Variants in AMDHD1 observed in about 807,000 individuals in gnomAD.
AMDHD1 encodes the protein amidohydrolase domain containing 1.
A neutral mutation model predicts 44.1 loss-of-function variants in AMDHD1; 45 were observed. That is an observed-to-expected ratio of 1.02 (90% CI 0.80 to 1.31). AMDHD1 has a LOEUF of 1.31. Among genes scored for constraint, AMDHD1 ranks in the 50% most tolerant of loss-of-function variants. The pLI, the probability that AMDHD1 is intolerant of heterozygous loss-of-function variation, is 0.00. For synonymous variants in AMDHD1, 206 were observed against 205.0 expected (o/e 1.00, Z -0.04); for missense variants, 586 against 552.1 (o/e 1.06, Z -0.61).
At chr12:95,943,843 A>G (rs7956040) in intron 1 of AMDHD1, among the ~76,000 whole-genome samples, 31,900 of 152,094 alleles carry the variant, frequency 0.21, 3,877 homozygotes, top group East Asian at 0.45. Context: ...GGGAGGCCAG[A>G]AGACCACCTT....
At position 95,967,315 on chromosome 12, in the gene AMDHD1, G is replaced by C. The variant is rs1001831197; in HGVS notation, c.1194-441G>C. ...TTATGGAAGCTACAATTCAAAATGAGATTTGGGTGGGCACATAGCAGCAAA... is the reference window on the plus strand; with the variant it reads ...TTATGGAAGCTACAATTCAAAATGACATTTGGGTGGGCACATAGCAGCAAA... On this transcript the variant is annotated intron_variant, in intron 8 of 8. Coordinates refer to ENST00000266736, the MANE Select transcript of AMDHD1 (RefSeq NM_152435.3). Among the ~76,000 whole-genome samples the C allele has an allele frequency of 3.3e-5, 5 of 152,324 alleles. No individual in the cohort carries two copies. In the South Asian group the frequency reaches 6.2e-4, roughly 19 times the overall value.
Position 95,967,946 on chromosome 12 carries a change from C to A in AMDHD1, c.*103C>A. On this transcript the variant is annotated 3_prime_UTR_variant, in exon 9 of 9. Transcript: ENST00000266736. ...ATTTACAAGAATTATATCACTTAAA[C>A]CTAAATGTACTTCAATGTCTTTTTA... is the stretch of plus-strand genomic sequence containing the variant. 4 of 785,720 alleles carry A rather than the reference C, an allele frequency of 5.1e-6. No individual in the cohort carries two copies. Among genetic ancestry groups the A allele is most frequent in the Non-Finnish European group, 4.0e-6 (2 of 504,074 alleles). 48.7% of individuals were successfully genotyped at this position (785,720 alleles called of 1,614,324 possible).
intron 4 of AMDHD1, 53 bp from the exon 5 acceptor site, chr12:95,960,345 T>G (rs1309614533): frequency 6.7e-5 from 101 of 1,518,420 alleles, no homozygotes; most frequent in Non-Finnish European, 8.8e-5. Flanking sequence ...TACCCTGTCT[T>G]TTTGTGTTTT....
At chr12:95,967,067 C>T (rs1968487) in intron 8 of AMDHD1, among the ~76,000 whole-genome samples, 72,315 of 152,070 alleles carry the variant, frequency 0.48, 18,254 homozygotes, top group African/African-American at 0.64. Context: ...AATCGACTCA[C>T]AGTTCTACAT....
Position 95,960,592 on chromosome 12 carries a change from G to A in AMDHD1, c.782G>A (p.Gly261Glu). 1 of 1,614,166 alleles carries A rather than the reference G, an allele frequency of 6.2e-7. No homozygotes were observed. The highest frequency in any genetic ancestry group is 1.1e-5 in the South Asian group (1 of 91,082). ...KDIGLQINFH[G>E]DELHPMKAAE... ...ATAGGGTTACAGATTAACTTCCATGGGGATGAACTCCACCCGATGAAGGCT... is the reference window on the plus strand; with the variant it reads ...ATAGGGTTACAGATTAACTTCCATGAGGATGAACTCCACCCGATGAAGGCT... The change falls in exon 5 of 9, where the codon GGG becomes GAG. Residue 261 changes from glycine to glutamate, a missense_variant. By Grantham distance (98) the Gly-to-Glu change is moderately conservative. Transcript: ENST00000266736.
intron 1 of AMDHD1, among the ~76,000 whole-genome samples, chr12:95,948,271 A>G (rs2080509344): frequency 8.6e-6 from 1 of 115,998 alleles, no homozygotes. Flanking sequence ...TGGGGGTGTC[A>G]GCCCCACGCC....
In AMDHD1 at chr12:95,966,427, C is replaced by T. The variant is rs2080610911; in HGVS notation, c.1112C>T (p.Ala371Val). 1 of 1,614,122 alleles carries T rather than the reference C, an allele frequency of 6.2e-7. No homozygotes were observed. The highest frequency in any genetic ancestry group is 1.7e-5 in the Admixed American group (1 of 60,004). ...TTGGCCGCTGCCACCATCAATGCAGCTTATGCACTGGGAAAGTCTCACACA... is the reference window on the plus strand; with the variant it reads ...TTGGCCGCTGCCACCATCAATGCAGTTTATGCACTGGGAAAGTCTCACACA... ...EALAAATINA[A>V]YALGKSHTHG... The change falls in exon 8 of 9, where the codon GCT (alanine) becomes GTT (valine). Residue 371 changes from alanine (A) to valine (V), a missense_variant. Transcript: ENST00000266736.
At chr12:95,966,562 TGAGGCCTAAA>T in intron 8 of AMDHD1, 54 bp downstream of exon 8, 1 of 1,600,672 alleles carries the variant, frequency 6.2e-7, no homozygotes, top group Non-Finnish European at 8.5e-7. Flanking sequence ...AGTATGCAGA[TGAGGCCTAAA>T]TCCCTTTTCC....
intron 4 of AMDHD1, among the ~76,000 whole-genome samples, chr12:95,958,916 G>C (rs1429121578): frequency 6.6e-6 from 1 of 152,004 alleles, no homozygotes; most frequent in Admixed American, 6.6e-5. Context: ...TTAGCTGGGC[G>C]TGGTGGCACA....
chr12:95,946,043 TTCTCTC>T (rs1006980924), intron 1 of AMDHD1, among the ~76,000 whole-genome samples: 1 of 140,986 alleles, frequency 7.1e-6, no homozygotes, highest in Non-Finnish European at 1.5e-5. Flanking sequence ...TTAAATTAAG[TTCTCTC>T]TCTCTTTCTC....
intron 3 of AMDHD1, among the ~76,000 whole-genome samples, chr12:95,955,292 G>C (rs1348650281): frequency 2.6e-5 from 4 of 152,134 alleles, no homozygotes; most frequent in Non-Finnish European, 5.9e-5. Flanking sequence ...ATTCATTGGA[G>C]TAAAGCTTGG....
rs538044455 is a variant in AMDHD1 at position 95,965,170 on chromosome 12, G to A, written c.939-516G>A. Among the ~76,000 whole-genome samples, 6 of 151,848 alleles carry A rather than the reference G, an allele frequency of 4.0e-5. No homozygotes were observed. The East Asian group carries it at 1.2e-3, about 29-fold the overall frequency. On this transcript the variant is annotated intron_variant, in intron 6 of 8. Transcript: ENST00000266736. The stretch of plus-strand genomic sequence containing the variant: ...AAAAATTACCTGGGCGTGGTGGTGG[G>A]TGCCTGTAGTCCCAACTACTCGGGA...
chr12:95,950,558 T>C (rs561743881), intron 1 of AMDHD1, among the ~76,000 whole-genome samples: 2 of 152,192 alleles, frequency 1.3e-5, no homozygotes, highest in South Asian at 4.1e-4. Flanking sequence ...AGTATATTTC[T>C]CTCCTATGTG....
chr12:95,961,390 A>T (rs1046546262), intron 5 of AMDHD1, among the ~76,000 whole-genome samples: 3 of 152,200 alleles, frequency 2.0e-5, no homozygotes, highest in African/African-American at 7.2e-5. Flanking sequence ...CCTTTCAACA[A>T]ATATTTGAAT....
chr12:95,955,264 A>T (rs1221979701), intron 3 of AMDHD1, among the ~76,000 whole-genome samples: 1 of 152,210 alleles, frequency 6.6e-6, no homozygotes, highest in African/African-American at 2.4e-5. Flanking sequence ...GGCTCCAAGG[A>T]ATAGTTTGAA....
intron 2 of AMDHD1, among the ~76,000 whole-genome samples, chr12:95,953,525 T>G (rs2080534478): frequency 6.6e-6 from 1 of 152,052 alleles, no homozygotes; most frequent in Admixed American, 6.6e-5. Context: ...TATATAAAAT[T>G]TTTATACTTT....
intron 1 of AMDHD1, among the ~76,000 whole-genome samples, chr12:95,946,826 G>C (rs1443438946): frequency 5.5e-5 from 1 of 18,344 alleles, no homozygotes; most frequent in Admixed American, 6.0e-4. Flanking sequence ...TGTGTTGGCC[G>C]GGCCGGTCTC....
chr12:95,963,636 GTC>G (rs1184645539), intron 6 of AMDHD1, among the ~76,000 whole-genome samples: 1 of 152,094 alleles, frequency 6.6e-6, no homozygotes, highest in Non-Finnish European at 1.5e-5. Flanking sequence ...TATGACCAAC[GTC>G]TTATACATTT....
chr12:95,949,675 G>C (rs924921706), intron 1 of AMDHD1, among the ~76,000 whole-genome samples: 1 of 152,172 alleles, frequency 6.6e-6, no homozygotes, highest in African/African-American at 2.4e-5. Flanking sequence ...ACATAAAAAT[G>C]CATGCTTTAG....
Sources: allele counts gnomAD v4.1 joint callset (sites outside exome capture counted in the v4.1 genomes callset), GRCh38; gene constraint gnomAD v4.1.1; transcripts MANE v1.5; gene names NCBI Gene and HGNC (gene_info 2026-07-23, HGNC 2026-07-21).